ZNF568: variants seen among roughly 807,000 people sequenced by gnomAD.
ZNF568 encodes p53 inhibitor of SCO2 activation.
In ZNF568, 11 loss-of-function variants were observed where a neutral mutation model predicts 18.1. The observed-to-expected ratio is 0.61, with a 90% CI of 0.38 to 1.00. The LOEUF (loss-of-function observed/expected upper bound fraction) is 1.00. Ranked by LOEUF, ZNF568 falls within the 50% of genes least tolerant of loss-of-function variation. The probability of loss-of-function intolerance (pLI) is 0.01; values close to 1 mark genes in which losing one functional copy is unlikely to be tolerated. For synonymous variants in ZNF568, 213 were observed against 246.6 expected, an observed-to-expected ratio of 0.86 and a Z score of 1.28; for missense variants, 639 against 768.2, an observed-to-expected ratio of 0.83 and a Z score of 1.99.
chr19:36,944,491 G>A (rs574660982), intron 6 of ZNF568, among the ~76,000 whole-genome samples: 1 of 151,960 alleles, frequency 6.6e-6, no homozygotes, highest in East Asian at 1.9e-4. Flanking sequence ...TACCTTTTAT[G>A]CTGAAAATCT....
At chr19:36,991,756 T>C in exon 4 of ZNF568, 2 of 1,570,964 alleles carry the variant, frequency 1.3e-6, no homozygotes, top group Non-Finnish European at 1.7e-6. Flanking sequence ...AGCAGGGCTT[T>C]CTGATACTAA....
At position 36,937,165 on chromosome 19, in the gene ZNF568, C is replaced by T. The variant is rs555711574; in HGVS notation, c.281C>T (p.Pro94Leu). ...GTAATAGGCTGTCAAGTCACCAAACCGGATGTGATATTCAAGTTGGAGCAA... is the reference window on the plus strand; with the variant it reads ...GTAATAGGCTGTCAAGTCACCAAACTGGATGTGATATTCAAGTTGGAGCAA... ...LVTVGCQVTK[P>L]DVIFKLEQEE... Residue 94 changes from proline (P) to leucine (L), a missense_variant, in exon 6 of 7, where the codon CCG (proline) becomes CTG (leucine). Transcript: ENST00000333987. 6.2e-6 allele frequency: 10 copies of T among 1,613,762 alleles called. No homozygotes were observed. Among genetic ancestry groups the T allele is most frequent in the East Asian group, 4.5e-5 (2 of 44,888 alleles).
intron 4 of ZNF568, 111 bp downstream of exon 4, chr19:36,925,369 A>AG (rs2073534499): frequency 2.0e-6 from 2 of 995,778 alleles, no homozygotes; most frequent in Non-Finnish European, 3.0e-6. Flanking sequence ...AATAAAAGTG[A>AG]GAAAAAATAC....
exon 5 of ZNF568, chr19:36,997,084 C>G: frequency 6.4e-7 from 1 of 1,565,278 alleles, no homozygotes. Context: ...TTATGACACA[C>G]AGCTGAGCCT....
At chr19:36,939,374 A>G (rs1372514385) in intron 6 of ZNF568, among the ~76,000 whole-genome samples, 1 of 152,096 alleles carries the variant, frequency 6.6e-6, no homozygotes, top group Non-Finnish European at 1.5e-5. Flanking sequence ...TCTGTTTTAG[A>G]GAACTCTGTT....
At chr19:36,991,962 C>A in intron 4 of ZNF568, 2 of 756,220 alleles carry the variant, frequency 2.6e-6, no homozygotes, top group Admixed American at 2.8e-5. Context: ...GGCTTGAGAT[C>A]TGGGGAAGAA....
At chr19:36,977,196 AAATAG>A (rs2074292930) in intron 7 of ZNF568, among the ~76,000 whole-genome samples, 10 of 152,188 alleles carry the variant, frequency 6.6e-5, no homozygotes, top group Admixed American at 6.5e-4. Flanking sequence ...CTTACCACAA[AAATAG>A]AATAGTTACT....
At chr19:36,992,364 T>C (rs1042642004) in intron 4 of ZNF568, among the ~76,000 whole-genome samples, 4 of 151,980 alleles carry the variant, frequency 2.6e-5, no homozygotes, top group African/African-American at 9.7e-5. Context: ...TAGCTGGGCA[T>C]GGTGGCAGGT....
At chr19:36,927,903 A>ATAT (rs1568381621) in intron 4 of ZNF568, among the ~76,000 whole-genome samples, 2 of 26,622 alleles carry the variant, frequency 7.5e-5, no homozygotes, top group African/African-American at 5.1e-4. Context: ...ATATATATAT[A>ATAT]TTTTTTTTTT....
At position 36,950,875 on chromosome 19, in the gene ZNF568, T is replaced by C. The variant is rs2074049300; in HGVS notation, c.1722T>C (p.Thr574=). ...GKAFSRISSL[T]LHVRSHTGEK... ...CCTTCTCTCGAATCTCATCCCTCACTCTTCATGTGAGAAGTCACACAGGGG... is the reference window on the plus strand; with the variant it reads ...CCTTCTCTCGAATCTCATCCCTCACCCTTCATGTGAGAAGTCACACAGGGG... The change falls in exon 7 of 7, where the codon ACT becomes ACC. Residue 574 remains threonine (T), a synonymous_variant. Transcript: ENST00000333987. 6.2e-7 allele frequency: 1 copy of C among 1,611,698 alleles called. No individual in the cohort carries two copies. The highest frequency in any genetic ancestry group is 8.5e-7 in the Non-Finnish European group (1 of 1,179,098).
chr19:36,969,837 C>T (rs1439116633), intron 6 of ZNF568, among the ~76,000 whole-genome samples: 2 of 108,860 alleles, frequency 1.8e-5, no homozygotes, highest in Admixed American at 2.1e-4. Context: ...CTCTGCCGCC[C>T]AGGCTGGAGT....
At chr19:36,962,031 C>T (rs1362886229) in intron 6 of ZNF568, among the ~76,000 whole-genome samples, 2 of 151,346 alleles carry the variant, frequency 1.3e-5, no homozygotes, top group Non-Finnish European at 2.9e-5. Flanking sequence ...GTCTTGAACT[C>T]CTGGGCTCTA....
intron 3 of ZNF568, among the ~76,000 whole-genome samples, chr19:36,923,141 G>T (rs943457673): frequency 3.9e-5 from 6 of 151,998 alleles, no homozygotes; most frequent in Non-Finnish European, 7.4e-5. Flanking sequence ...TTCCTGAAAG[G>T]CAACCACTTT....
intron 7 of ZNF568, among the ~76,000 whole-genome samples, chr19:36,974,972 A>C (rs2074269179): frequency 1.3e-5 from 2 of 150,774 alleles, no homozygotes; most frequent in African/African-American, 4.9e-5. Context: ...GATTACAGGC[A>C]CACACCACCA....
rs111266707 is a variant in ZNF568 at position 36,951,992 on chromosome 19, T to C, written c.*904T>C. 1.0e-3 allele frequency: 1,028 copies of C among 981,382 alleles called. 6 individuals carry two copies. The Middle Eastern group carries it at 0.017, about 16-fold the overall frequency. The allele number at this position is 981,382 out of a possible 1,614,324, so 60.8% of individuals were successfully genotyped here. On this transcript the variant is annotated 3_prime_UTR_variant, in exon 7 of 7. Transcript: ENST00000333987. ...TTTGAAAAGCCAAACTGTGAAACCA[T>C]TGGGAGAAAATAGATGATATTGTCT...
At chr19:36,947,648 G>C (rs2073989528) in intron 6 of ZNF568, among the ~76,000 whole-genome samples, 1 of 152,010 alleles carries the variant, frequency 6.6e-6, no homozygotes, top group South Asian at 2.1e-4. Context: ...CTTCTTTTTA[G>C]TCCCACTCTT....
intron 4 of ZNF568, among the ~76,000 whole-genome samples, chr19:36,936,033 G>T (rs2073784245): frequency 1.3e-5 from 2 of 151,566 alleles, no homozygotes; most frequent in South Asian, 4.2e-4. Context: ...GTCATTTTTT[G>T]TTTCTCCTTT....
intron 6 of ZNF568, among the ~76,000 whole-genome samples, chr19:36,968,043 A>T (rs1015855017): frequency 9.2e-5 from 14 of 152,230 alleles, no homozygotes; most frequent in African/African-American, 3.1e-4. Flanking sequence ...ATTTGAAATT[A>T]TCCCATAAAA....
At chr19:36,997,627 C>G, downstream of ZNF568, 1 of 1,503,458 alleles carries the variant, frequency 6.7e-7, no homozygotes, top group Non-Finnish European at 9.0e-7. Context: ...TGGTGAGAAA[C>G]CATATGAATG....
Sources: gnomAD v4.1 joint callset for allele counts (sites outside exome capture counted in the v4.1 genomes callset) on GRCh38, gnomAD v4.1.1 for gene constraint, MANE v1.5 for transcripts, NCBI Gene and HGNC (gene_info 2026-07-23, HGNC 2026-07-21) for gene names.